ASH1L: variants seen among roughly 807,000 people sequenced by gnomAD.
ASH1L encodes ASH1 like histone lysine methyltransferase.
Under a neutral mutation model 269.0 loss-of-function variants are expected in ASH1L, and 23 were observed. The observed-to-expected ratio is 0.09, with a 90% CI of 0.06 to 0.12. The LOEUF (loss-of-function observed/expected upper bound fraction) is 0.12. Among genes scored for constraint, ASH1L ranks in the 10% least tolerant of loss-of-function variants. ASH1L has a pLI of 1.00. For synonymous variants in ASH1L, 1,187 were observed against 1,253.5 expected, an observed-to-expected ratio of 0.95 and a Z score of 1.12; for missense variants, 2,912 against 3,567.8, an observed-to-expected ratio of 0.82 and a Z score of 4.68.
At chr1:155,526,275 T>C (rs1173045850) in intron 1 of ASH1L, among the ~76,000 whole-genome samples, 5 of 152,222 alleles carry the variant, frequency 3.3e-5, no homozygotes, top group African/African-American at 1.2e-4. Flanking sequence ...GATTGGCATG[T>C]AGCAAATGTC....
chr1:155,350,371 T>C (rs1216584588), intron 17 of ASH1L, among the ~76,000 whole-genome samples: 2 of 152,116 alleles, frequency 1.3e-5, no homozygotes, highest in East Asian at 3.9e-4. Flanking sequence ...TTTTCAGATA[T>C]GTAGATAAAG....
At chr1:155,498,430 T>TTTTTG (rs1292215269) in intron 2 of ASH1L, among the ~76,000 whole-genome samples, 2 of 152,036 alleles carry the variant, frequency 1.3e-5, no homozygotes, top group Non-Finnish European at 2.9e-5. Context: ...TTTGTTCATT[T>TTTTTG]TTTTGTTTTG....
Position 155,552,102 on chromosome 1 carries a change from C to T in ASH1L, c.-100+10051G>A, listed in dbSNP as rs1032964024. Among the ~76,000 whole-genome samples the T allele has an allele frequency of 2.0e-5, 3 of 152,298 alleles. No homozygotes were observed. In the South Asian group the frequency reaches 6.2e-4, roughly 32 times the overall value. ...ATTATTAAGTCCTAAGACAGCAAAG[C>T]AGGGATCTTGTTTTGTCCATCACTG... On this transcript the variant is annotated intron_variant, in intron 1 of 27. Coordinates refer to ENST00000392403, the MANE Select transcript of ASH1L (RefSeq NM_018489.3).
intron 12 of ASH1L, among the ~76,000 whole-genome samples, chr1:155,362,066 T>C (rs1362437183): frequency 2.0e-5 from 3 of 152,028 alleles, no homozygotes; most frequent in Non-Finnish European, 4.4e-5. Flanking sequence ...AGACATAGTC[T>C]TGCTCTGTCC....
In ASH1L at chr1:155,417,600, T is replaced by A. The variant is rs185761194; in HGVS notation, c.5829-1677A>T. On this transcript the variant is annotated intron_variant, in intron 5 of 27. Transcript: ENST00000392403. Reference sequence around the variant, plus strand: ...GACATTGTTCAACAATAGGGGACATTAAACAGCAAGCCCAGAGGGTAATGT... The same window carrying A: ...GACATTGTTCAACAATAGGGGACATAAAACAGCAAGCCCAGAGGGTAATGT... 3.3e-5 allele frequency among the ~76,000 whole-genome samples: 5 copies of A among 152,254 alleles called. No homozygotes were observed. In the East Asian group the frequency reaches 9.7e-4, roughly 29 times the overall value.
At chr1:155,426,953 T>C (rs952986277) in intron 5 of ASH1L, among the ~76,000 whole-genome samples, 6 of 152,094 alleles carry the variant, frequency 3.9e-5, no homozygotes, top group Admixed American at 2.0e-4. Flanking sequence ...TGGGCACAAT[T>C]TGTTGAACAG....
chr1:155,430,779 T>C (rs146493022), intron 5 of ASH1L, among the ~76,000 whole-genome samples: 2 of 152,332 alleles, frequency 1.3e-5, no homozygotes, highest in Admixed American at 1.3e-4. Context: ...CTTGTTCTTT[T>C]AATTTCTTAT....
At chr1:155,346,356 C>T in intron 21 of ASH1L, 27 bp downstream of exon 21, 5 of 1,609,482 alleles carry the variant, frequency 3.1e-6, no homozygotes, top group Non-Finnish European at 4.3e-6. Flanking sequence ...ACTTATAGAT[C>T]AGAGTTTTAT....
chr1:155,472,146 C>A (rs2148704674), intron 3 of ASH1L, among the ~76,000 whole-genome samples: 1 of 152,168 alleles, frequency 6.6e-6, no homozygotes, highest in African/African-American at 2.4e-5. Context: ...CAAAAATTAG[C>A]CAAATGTGGT....
chr1:155,549,485 A>C (rs909293588), intron 1 of ASH1L, among the ~76,000 whole-genome samples: 6 of 152,052 alleles, frequency 3.9e-5, no homozygotes, highest in African/African-American at 1.4e-4. Flanking sequence ...TAAAAATACA[A>C]AAATTAGCCA....
In ASH1L at chr1:155,482,047, T is replaced by C. The variant is rs147074172; in HGVS notation, c.823A>G (p.Thr275Ala). The C allele has an allele frequency of 8.1e-6, 13 of 1,614,074 alleles. No individual in the cohort carries two copies. Among genetic ancestry groups the C allele is most frequent in the East Asian group, 4.5e-5 (2 of 44,892 alleles). The change falls in exon 3 of 28, where the codon ACC becomes GCC. Residue 275 changes from threonine (T) to alanine (A), a missense_variant. This residue lies in a region of ASH1L where 277 missense variants were observed against 367.7 expected (regional missense o/e 0.75). Coordinates refer to ENST00000392403, the MANE Select transcript of ASH1L (RefSeq NM_018489.3). Reference protein sequence around the residue: ...IIHKDLIKKPTISTAVGLVTK... With the variant: ...IIHKDLIKKPAISTAVGLVTK... The stretch of plus-strand genomic sequence containing the variant: ...ACCAATCCAACTGCTGTGCTGATGG[T>C]TGGCTTTTTTATTAAGTCCTTATGT...
intron 26 of ASH1L, 137 bp from the exon 27 acceptor site, chr1:155,338,527 C>T (rs908705428): frequency 2.2e-5 from 14 of 635,058 alleles, no homozygotes; most frequent in Middle Eastern, 4.3e-4. Flanking sequence ...ACTTGACTCT[C>T]GTTTTCACTT....
rs774330527 is a variant in ASH1L, at chr1:155,354,630, C to T, written c.7056G>A (p.Arg2352=). 3 of 1,605,178 alleles carry T rather than the reference C, an allele frequency of 1.9e-6. No individual in the cohort carries two copies. Among genetic ancestry groups the T allele is most frequent in the East Asian group, 2.2e-5 (1 of 44,818 alleles). Residue 2352 remains arginine (R), a splice_region_variant and synonymous_variant, in exon 16 of 28, where the codon AGG becomes AGA. Transcript: ENST00000392403. ...LQMKPMSNRE[R]NFVLKHHVFL... ...ATACATGATGCTTTAACACAAAGTT[C>T]CTGCAAGGAAGGAAAAAAAATCTTC...
At chr1:155,391,874 T>G (rs1483330149) in intron 7 of ASH1L, among the ~76,000 whole-genome samples, 1 of 152,062 alleles carries the variant, frequency 6.6e-6, no homozygotes, top group Non-Finnish European at 1.5e-5. Context: ...GAGAATCACT[T>G]GAGCCTAGGA....
rs549440946 is a variant in ASH1L at position 155,444,908 on chromosome 1, C to T, written c.5087-5840G>A. Among the ~76,000 whole-genome samples, 14 of 137,990 alleles carry T rather than the reference C, an allele frequency of 1.0e-4. No individual in the cohort carries two copies. In the East Asian group the frequency reaches 2.1e-3, roughly 21 times the overall value. 90.5% of individuals were successfully genotyped at this position (137,990 alleles called of 152,430 possible). ...CTGGGATTACAGGCGTGAGCCACCG[C>T]GCCCGGCCAAGTCAAATTTTTTTAA... is the stretch of plus-strand genomic sequence containing the variant. On this transcript the variant is annotated intron_variant, in intron 4 of 27. Transcript: ENST00000392403.
intron 22 of ASH1L, 100 bp downstream of exon 22, chr1:155,344,083 G>A (rs982120543): frequency 2.8e-5 from 29 of 1,036,658 alleles, no homozygotes; most frequent in South Asian, 1.2e-4. Context: ...ATTGCTATTC[G>A]AGGCCGTATG....
intron 5 of ASH1L, among the ~76,000 whole-genome samples, chr1:155,423,644 A>T (rs747063644): frequency 6.6e-6 from 1 of 152,216 alleles, no homozygotes; most frequent in Non-Finnish European, 1.5e-5. Context: ...CCTTGGAAAA[A>T]GTACTAAGTT....
intron 3 of ASH1L, among the ~76,000 whole-genome samples, chr1:155,465,794 A>G (rs999271362): frequency 1.3e-5 from 2 of 152,224 alleles, no homozygotes; most frequent in Non-Finnish European, 2.9e-5. Flanking sequence ...TGAACATAAA[A>G]TATCAAACTA....
chr1:155,548,633 TC>T (rs1484381139), intron 1 of ASH1L, among the ~76,000 whole-genome samples: 1 of 152,240 alleles, frequency 6.6e-6, no homozygotes, highest in African/African-American at 2.4e-5. Context: ...AAGGTGTTAG[TC>T]CTCAAATTAT....
Sources: allele counts gnomAD v4.1 joint callset (sites outside exome capture counted in the v4.1 genomes callset), GRCh38; gene constraint gnomAD v4.1.1; regional missense constraint gnomAD v4.1.1; transcripts MANE v1.5; gene names NCBI Gene and HGNC (gene_info 2026-07-23, HGNC 2026-07-21).